Variants in PSPN observed in about 807,000 individuals in gnomAD.
PSPN encodes the protein persephin.
PSPN carries 12 observed loss-of-function variants against 9.4 expected under a neutral mutation model. That is an observed-to-expected ratio of 1.28 (90% confidence interval 0.82 to 2.07). The LOEUF (loss-of-function observed/expected upper bound fraction) is 2.07. PSPN is among the 30% of genes most tolerant of loss of function. PSPN has a pLI of 0.00. For missense variants in PSPN, 229 were observed against 227.4 expected (o/e 1.01, Z -0.05); for synonymous variants, 115 against 106.4 (o/e 1.08, Z -0.50).
chr19:6,375,864 C>T lies in PSPN; in HGVS notation c.-15G>A. On this transcript the variant is annotated 5_prime_UTR_variant, in exon 1 of 2. Coordinates refer to ENST00000245810, the MANE Select transcript of PSPN (RefSeq NM_004158.5). ...CCTACGGCCATTGTGACGGGCAGGT[C>T]CTGAGAGTGGGAGCTGTGCCCCAAA... 6.2e-7 allele frequency: 1 copy of T among 1,613,980 alleles called. No individual in the cohort carries two copies. Among genetic ancestry groups the T allele is most frequent in the Non-Finnish European group, 8.5e-7 (1 of 1,179,988 alleles).
rs1419428273 is a variant in PSPN, at chr19:6,375,687, C to T, written c.148+15G>A. ...GAAAGTTGGGAAGTCACAGAGGGTC[C>T]CTGGAAGTCCTTACCCAGCCAGGTC... On this transcript the variant is annotated intron_variant, in intron 1 of 1. Transcript: ENST00000245810. 1 of 1,612,156 alleles carries T rather than the reference C, an allele frequency of 6.2e-7. No homozygotes were observed. Among genetic ancestry groups the T allele is most frequent in the Non-Finnish European group, 8.5e-7 (1 of 1,179,132 alleles).
chr19:6,375,526 A>G lies in PSPN; in HGVS notation c.239T>C (p.Leu80Pro). 1 of 1,567,128 alleles carries G rather than the reference A, an allele frequency of 6.4e-7. No homozygotes were observed. The highest frequency in any genetic ancestry group is 8.6e-7 in the Non-Finnish European group (1 of 1,156,122). The change falls in exon 2 of 2, where the codon CTG becomes CCG. Residue 80 changes from leucine to proline, a missense_variant. Coordinates refer to ENST00000245810, the MANE Select transcript of PSPN (RefSeq NM_004158.5). ...GACCTTCTCCTCTGAGGCGTAGCCC[A>G]GGCCTAGCTCTGCCACGGACAGGGT... is the stretch of plus-strand genomic sequence containing the variant. ...SLTLSVAELG[L>P]GYASEEKVIF...
In PSPN at chr19:6,375,487, C is replaced by T; in HGVS notation, c.278G>A (p.Cys93Tyr). The T allele has an allele frequency of 6.4e-7, 1 of 1,556,214 alleles. No individual in the cohort carries two copies. Among genetic ancestry groups the T allele is most frequent in the South Asian group, 1.2e-5 (1 of 84,496 alleles). The part of the protein sequence containing the change: ...ASEEKVIFRY[C>Y]AGSCPRGART... ...GGCACCACGGGGGCAGCTGCCGGCG[C>T]AGTAGCGGAAGATGACCTTCTCCTC... Residue 93 changes from cysteine to tyrosine, a missense_variant, in exon 2 of 2, where the codon TGC (cysteine) becomes TAC (tyrosine). Cys to Tyr is a radical substitution (Grantham distance 194). Coordinates refer to ENST00000245810, the MANE Select transcript of PSPN (RefSeq NM_004158.5).
At position 6,375,728 on chromosome 19, in the gene PSPN, A is replaced by G. The variant is rs200215874; in HGVS notation, c.122T>C (p.Val41Ala). ...VADGEFSSEQ[V>A]AKAGGTWLGT... ...CAGCCAGGTCCCTCCAGCCTTTGCC[A>G]CCTGTTCAGACGAGAACTCTCCATC... Residue 41 changes from valine (V) to alanine (A), a missense_variant, in exon 1 of 2, where the codon GTG (valine) becomes GCG (alanine). Physicochemically the swap from Val to Ala is moderately conservative, Grantham distance 64 (BLOSUM62 0). Coordinates refer to ENST00000245810, the MANE Select transcript of PSPN (RefSeq NM_004158.5). The G allele has an allele frequency of 7.6e-5, 122 of 1,613,766 alleles. No individual in the cohort carries two copies. The highest frequency in any genetic ancestry group is 1.0e-4 in the Non-Finnish European group (118 of 1,179,938).
Position 6,375,867 on chromosome 19 carries a change from G to T in PSPN, c.-18C>A. 6.2e-7 allele frequency: 1 copy of T among 1,614,028 alleles called. No homozygotes were observed. Among genetic ancestry groups the T allele is most frequent in the Non-Finnish European group, 8.5e-7 (1 of 1,180,006 alleles). ...ACGGCCATTGTGACGGGCAGGTCCT[G>T]AGAGTGGGAGCTGTGCCCCAAATTT... is the stretch of plus-strand genomic sequence containing the variant. On this transcript the variant is annotated 5_prime_UTR_variant, in exon 1 of 2. Transcript: ENST00000245810.
rs1568326458 is a variant in PSPN at position 6,375,153 on chromosome 19, G to A, written c.*141C>T. On this transcript the variant is annotated 3_prime_UTR_variant, in exon 2 of 2. Coordinates refer to ENST00000245810, the MANE Select transcript of PSPN (RefSeq NM_004158.5). ...CACATGGTCAAAGTCACAAGGCCGG[G>A]AGAGTGGTGTCCTTTATTGCACTCA... is the stretch of plus-strand genomic sequence containing the variant. The A allele has an allele frequency of 6.2e-6, 8 of 1,290,590 alleles. No individual in the cohort carries two copies. The highest frequency in any genetic ancestry group is 8.2e-6 in the Non-Finnish European group (8 of 973,572). 79.9% of individuals were successfully genotyped at this position (1,290,590 alleles called of 1,614,324 possible).
At position 6,375,506 on chromosome 19, in the gene PSPN, TCTC is replaced by T. The variant is rs755221176; in HGVS notation, c.256_258del (p.Glu86del). 34 of 1,560,252 alleles carry T rather than the reference TCTC, an allele frequency of 2.2e-5. 1 individual carries two copies. The Middle Eastern group carries it at 6.7e-4, about 31-fold the overall frequency. On this transcript the variant is annotated inframe_deletion, in exon 2 of 2. Transcript: ENST00000245810. ...CCGGCGCAGTAGCGGAAGATGACCT[TCTC>T]CTCTGAGGCGTAGCCCAGGCCTAGC...
chr19:6,375,639 CAGTG>C lies in PSPN; in HGVS notation c.149-27_149-24del, dbSNP rs528449211. 5.3e-4 allele frequency: 848 copies of C among 1,598,690 alleles called. 3 individuals carry two copies. The highest frequency in any genetic ancestry group is 2.2e-3 in the African/African-American group (165 of 74,756). On this transcript the variant is annotated intron_variant, in intron 1 of 1. Coordinates refer to ENST00000245810, the MANE Select transcript of PSPN (RefSeq NM_004158.5). ...TGCCTGTGGGAGGGAAGGGCGCTGA[CAGTG>C]AGCAGGGTCAGGGCTGGGGAAAGTT...
rs2091917106 is a variant in PSPN, at chr19:6,375,417, GC to G, written c.347del (p.Gly116AlafsTer81). 2.6e-6 allele frequency: 4 copies of G among 1,539,690 alleles called. No individual in the cohort carries two copies. In the East Asian group the frequency reaches 9.8e-5, roughly 38 times the overall value. On this transcript the variant is annotated frameshift_variant, in exon 2 of 2. Transcript: ENST00000245810. LOFTEE classifies it high-confidence loss of function. ...GGCAGCAGGGCCCGCCGTGGGCTCG[GC>G]CCTGGCCCTGCAGCCGGGCCAGCGC... ...GLALARLQGQ[G>X]RAHGGPCCRP...
Position 6,375,482 on chromosome 19 carries a change from C to A in PSPN, c.283G>T (p.Gly95Cys). 6.4e-7 allele frequency: 1 copy of A among 1,555,166 alleles called. No individual in the cohort carries two copies. The highest frequency in any genetic ancestry group is 8.7e-7 in the Non-Finnish European group (1 of 1,149,558). ...GTGCGGGCACCACGGGGGCAGCTGCCGGCGCAGTAGCGGAAGATGACCTTC... is the reference window on the plus strand; with the variant it reads ...GTGCGGGCACCACGGGGGCAGCTGCAGGCGCAGTAGCGGAAGATGACCTTC... The part of the protein sequence containing the change: ...EEKVIFRYCA[G>C]SCPRGARTQH... Residue 95 changes from glycine to cysteine, a missense_variant, in exon 2 of 2, where the codon GGC (glycine) becomes TGC (cysteine). Gly to Cys is a radical substitution (Grantham distance 159). Transcript: ENST00000245810.
At position 6,375,259 on chromosome 19, in the gene PSPN, A is replaced by G. The variant is rs1046591462; in HGVS notation, c.*35T>C. The G allele has an allele frequency of 2.4e-5, 34 of 1,401,652 alleles. No homozygotes were observed. The highest frequency in any genetic ancestry group is 1.7e-4 in the Admixed American group (5 of 28,846). 86.8% of individuals were successfully genotyped at this position (1,401,652 alleles called of 1,614,324 possible). A position where few individuals can be genotyped will look rare whatever the true frequency, so the allele number is the denominator to read the frequency against. ...ATAAATAAGTCAGCCGAGCTCCCCC[A>G]GCACTGCAGCTTCTGGGTGCCAGGC... On this transcript the variant is annotated 3_prime_UTR_variant, in exon 2 of 2. Transcript: ENST00000245810.
exon 1 of PSPN, chr19:6,375,930 CGGCCCCTGCAGCCAGGA>C: frequency 6.3e-7 from 1 of 1,581,710 alleles, no homozygotes; most frequent in Non-Finnish European, 8.6e-7. Flanking sequence ...TCTTCACTGC[CGGCCCCTGCAGCCAGGA>C]GGCCCCACGT....
rs767669562 is a variant in PSPN at position 6,375,874 on chromosome 19, G to C, written c.-25C>G. Reference sequence around the variant, plus strand: ...TTGTGACGGGCAGGTCCTGAGAGTGGGAGCTGTGCCCCAAATTTATGCCCT... The same window carrying C: ...TTGTGACGGGCAGGTCCTGAGAGTGCGAGCTGTGCCCCAAATTTATGCCCT... On this transcript the variant is annotated 5_prime_UTR_variant, in exon 1 of 2. Coordinates refer to ENST00000245810, the MANE Select transcript of PSPN (RefSeq NM_004158.5). The C allele has an allele frequency of 1.2e-6, 2 of 1,613,898 alleles. No homozygotes were observed. The highest frequency in any genetic ancestry group is 1.3e-5 in the African/African-American group (1 of 75,030).
In PSPN at chr19:6,375,828, G is replaced by A; in HGVS notation, c.22C>T (p.Leu8=). Residue 8 remains leucine, a synonymous_variant, in exon 1 of 2, where the codon CTG becomes TTG. Coordinates refer to ENST00000245810, the MANE Select transcript of PSPN (RefSeq NM_004158.5). MAVGKFL[L]GSLLLLSLQL... is the part of the protein sequence containing the mutation. ...AGGGACAGGAGCAGCAGGGAGCCCA[G>A]CAGGAACTTCCCTACGGCCATTGTG... The A allele has an allele frequency of 6.2e-7, 1 of 1,614,098 alleles. No homozygotes were observed. The highest frequency in any genetic ancestry group is 2.2e-5 in the East Asian group (1 of 44,868).
At chr19:6,375,674 G>C in intron 1 of PSPN, 28 bp downstream of exon 1, 1 of 1,610,460 alleles carries the variant, frequency 6.2e-7, no homozygotes, top group Non-Finnish European at 8.5e-7. Context: ...AAGTTGGGAA[G>C]TCACAGAGGG....
At chr19:6,375,640 A>C (rs1269672781) in intron 1 of PSPN, 24 bp from the exon 2 acceptor site, 1 of 1,597,778 alleles carries the variant, frequency 6.3e-7, no homozygotes, top group East Asian at 2.3e-5. Flanking sequence ...GGGCGCTGAC[A>C]GTGAGCAGGG....
chr19:6,375,809 A>G lies in PSPN; in HGVS notation c.41T>C (p.Leu14Pro), dbSNP rs1311881635. 30 of 1,614,060 alleles carry G rather than the reference A, an allele frequency of 1.9e-5. No individual in the cohort carries two copies. The highest frequency in any genetic ancestry group is 2.5e-5 in the Non-Finnish European group (29 of 1,179,980). ...GKFLLGSLLL[L>P]SLQLGQGWGP... ...CCAGCCCTGTCCCAGCTGCAGGGAC[A>G]GGAGCAGCAGGGAGCCCAGCAGGAA... The change falls in exon 1 of 2, where the codon CTG becomes CCG. Residue 14 changes from leucine to proline, a missense_variant. Physicochemically the swap from Leu to Pro is moderately conservative, Grantham distance 98 (BLOSUM62 -3). Transcript: ENST00000245810.
Position 6,375,801 on chromosome 19 carries a change from G to A in PSPN, c.49C>T (p.Gln17Ter). The A allele has an allele frequency of 6.2e-7, 1 of 1,614,078 alleles. No individual in the cohort carries two copies. Among genetic ancestry groups the A allele is most frequent in the Non-Finnish European group, 8.5e-7 (1 of 1,179,998 alleles). ...TCGGGGCCCCAGCCCTGTCCCAGCT[G>A]CAGGGACAGGAGCAGCAGGGAGCCC... ...LLGSLLLLSL[Q>*]LGQGWGPDAR... Residue 17 changes from glutamine (Q) to a stop codon, truncating the protein, a stop_gained, in exon 1 of 2, where the codon CAG becomes TAG. Transcript: ENST00000245810. LOFTEE classifies it high-confidence loss of function.
Position 6,375,352 on chromosome 19 carries a change from C to T in PSPN, c.413G>A (p.Arg138His), listed in dbSNP as rs1006466438. 3.4e-6 allele frequency: 5 copies of T among 1,466,016 alleles called. No homozygotes were observed. Among genetic ancestry groups the T allele is most frequent in the African/African-American group, 1.5e-5 (1 of 67,650 alleles). 90.8% of individuals were successfully genotyped at this position (1,466,016 alleles called of 1,614,324 possible). A position where few individuals can be genotyped will look rare whatever the true frequency, so the allele number is the denominator to read the frequency against. ...CTGGGGCAGCCGCTGCCAGCGGTGG[C>T]GGTCATCGAGGAAGGCCACGTCGGT... ...RYTDVAFLDDRHRWQRLPQLS... is the reference protein window; with the variant it reads ...RYTDVAFLDDHHRWQRLPQLS... Residue 138 changes from arginine to histidine, a missense_variant, in exon 2 of 2, where the codon CGC becomes CAC. Arg to His is a conservative substitution (Grantham distance 29). Coordinates refer to ENST00000245810, the MANE Select transcript of PSPN (RefSeq NM_004158.5).
Sources: allele counts gnomAD v4.1 joint callset, GRCh38; gene constraint gnomAD v4.1.1; transcripts MANE v1.5; gene names NCBI Gene and HGNC (gene_info 2026-07-23, HGNC 2026-07-21).